AGBL4: variants seen among roughly 807,000 people sequenced by gnomAD.
AGBL4 encodes the protein AGBL carboxypeptidase 4, also known as cytosolic carboxypeptidase 6.
AGBL4 carries 58 observed loss-of-function variants against 66.4 expected under a neutral mutation model. The ratio of observed to expected loss-of-function variants is 0.87; its 90% CI spans 0.71 to 1.09. AGBL4 has a LOEUF of 1.09. Among genes scored for constraint, AGBL4 ranks in the 50% least tolerant of loss-of-function variants. The probability of loss-of-function intolerance (pLI) is 0.00; values close to 1 mark genes in which losing one functional copy is unlikely to be tolerated. For synonymous variants in AGBL4, 234 were observed against 222.9 expected (o/e 1.05, Z -0.44); for missense variants, 579 against 631.0 (o/e 0.92, Z 0.88).
At chr1:49,685,219 A>G (rs1646765391) in intron 3 of AGBL4, among the ~76,000 whole-genome samples, 1 of 152,190 alleles carries the variant, frequency 6.6e-6, no homozygotes, top group Non-Finnish European at 1.5e-5. Context: ...TGCAAAGGAC[A>G]TGCTTTCATT....
At chr1:49,791,156 A>C (rs1210561514) in intron 2 of AGBL4, among the ~76,000 whole-genome samples, 1 of 152,114 alleles carries the variant, frequency 6.6e-6, no homozygotes, top group Non-Finnish European at 1.5e-5. Context: ...TTGGCTCTAG[A>C]CTTTCATAAG....
intron 5 of AGBL4, among the ~76,000 whole-genome samples, chr1:48,875,391 T>C (rs1006546438): frequency 1.3e-5 from 2 of 152,122 alleles, no homozygotes; most frequent in Non-Finnish European, 2.9e-5. Flanking sequence ...TAAAAAATGC[T>C]TTAGCATGTT....
intron 3 of AGBL4, among the ~76,000 whole-genome samples, chr1:49,461,506 T>TA (rs1308236538): frequency 2.0e-5 from 3 of 151,160 alleles, no homozygotes; most frequent in African/African-American, 7.3e-5. Context: ...CTTTTTTTTT[T>TA]ATTATACTTT....
chr1:49,978,220 A>C (rs905495252), intron 1 of AGBL4, among the ~76,000 whole-genome samples: 2 of 152,200 alleles, frequency 1.3e-5, no homozygotes, highest in Admixed American at 1.3e-4. Flanking sequence ...AGGCCAAGGC[A>C]GGAGGATTGC....
At chr1:49,662,326 T>A (rs1646285958) in intron 3 of AGBL4, among the ~76,000 whole-genome samples, 2 of 151,880 alleles carry the variant, frequency 1.3e-5, no homozygotes, top group South Asian at 2.1e-4. Context: ...ATATTTGGAT[T>A]TAAAACATTA....
intron 8 of AGBL4, among the ~76,000 whole-genome samples, chr1:48,637,776 G>C (rs533420781): frequency 7.2e-5 from 11 of 152,298 alleles, no homozygotes; most frequent in Admixed American, 2.0e-4. Flanking sequence ...TAAGTGGCTA[G>C]AGTCAGTCCT....
chr1:49,648,297 T>C (rs1645931678), intron 3 of AGBL4, among the ~76,000 whole-genome samples: 1 of 147,632 alleles, frequency 6.8e-6, no homozygotes. Context: ...TCTCAATAGA[T>C]ACCTCAAAAA....
rs34356093 is a variant in AGBL4, at chr1:49,624,002, A to AGTGTGTGTGT, written c.282+73301_282+73310dup. On this transcript the variant is annotated intron_variant, in intron 3 of 13. Coordinates refer to ENST00000371839, the MANE Select transcript of AGBL4 (RefSeq NM_032785.4). Reference sequence around the variant, plus strand: ...ACTTCATATAGTTTTGATGAGAGAGAGTGTGTGTGTGTGTGTGTGTGTGTG... The same window carrying AGTGTGTGTGT: ...ACTTCATATAGTTTTGATGAGAGAGAGTGTGTGTGTGTGTGTGTGTGTGTGTGTGTGTGTG... Among the ~76,000 whole-genome samples the AGTGTGTGTGT allele has an allele frequency of 3.3e-3, 498 of 149,440 alleles. 2 individuals carry two copies. Among genetic ancestry groups the AGTGTGTGTGT allele is most frequent in the African/African-American group, 0.011 (450 of 40,364 alleles).
intron 3 of AGBL4, among the ~76,000 whole-genome samples, chr1:49,647,390 A>C (rs1202872149): frequency 6.6e-6 from 1 of 152,120 alleles, no homozygotes. Context: ...ACAACAGAGA[A>C]GCAGCCTACA....
At chr1:49,765,819 G>C (rs1264960603) in intron 2 of AGBL4, among the ~76,000 whole-genome samples, 1 of 152,062 alleles carries the variant, frequency 6.6e-6, no homozygotes, top group Non-Finnish European at 1.5e-5. Context: ...ATCAATAGAT[G>C]AGATCAAGCA....
chr1:48,867,793 T>G (rs1259798901), intron 5 of AGBL4, among the ~76,000 whole-genome samples: 2 of 152,210 alleles, frequency 1.3e-5, no homozygotes, highest in African/African-American at 2.4e-5. Flanking sequence ...CTTTTCTAAC[T>G]GAATCCTTAT....
intron 1 of AGBL4, among the ~76,000 whole-genome samples, chr1:50,011,275 T>C (rs1661510298): frequency 6.6e-6 from 1 of 152,140 alleles, no homozygotes; most frequent in Non-Finnish European, 1.5e-5. Flanking sequence ...CAAACAGGCA[T>C]ACGAAAAGGT....
At chr1:48,773,766 C>T (rs1644947099) in intron 6 of AGBL4, among the ~76,000 whole-genome samples, 2 of 152,168 alleles carry the variant, frequency 1.3e-5, no homozygotes, top group Admixed American at 1.3e-4. Flanking sequence ...AGCTGTGTGG[C>T]TGTAGGCAAG....
chr1:48,556,836 T>C (rs2148291713), intron 11 of AGBL4, among the ~76,000 whole-genome samples: 1 of 152,356 alleles, frequency 6.6e-6, no homozygotes, highest in East Asian at 1.9e-4. Context: ...TAGCCCAAGC[T>C]GGAGTGTAGT....
intron 3 of AGBL4, among the ~76,000 whole-genome samples, chr1:49,311,228 C>T (rs1391194439): frequency 6.6e-6 from 1 of 151,958 alleles, no homozygotes; most frequent in African/African-American, 2.4e-5. Context: ...TAAATTGAGT[C>T]TCAATGATCC....
rs111495003 is a variant in AGBL4, at chr1:49,990,615, T to C, written c.34+33148A>G. Among the ~76,000 whole-genome samples, 274 of 152,334 alleles carry C rather than the reference T, an allele frequency of 1.8e-3. 3 individuals are homozygous for C. The highest frequency in any genetic ancestry group is 6.2e-3 in the African/African-American group (256 of 41,578). ...ACTAATGCAACATTTTATTTTCTTT[T>C]AGCTACTGTATACAATCTTTATAAA... On this transcript the variant is annotated intron_variant, in intron 1 of 13. Coordinates refer to ENST00000371839, the MANE Select transcript of AGBL4 (RefSeq NM_032785.4).
chr1:48,778,908 A>G (rs1645213419), intron 6 of AGBL4, among the ~76,000 whole-genome samples: 1 of 152,196 alleles, frequency 6.6e-6, no homozygotes, highest in African/African-American at 2.4e-5. Flanking sequence ...GTTATGTGGT[A>G]CAGCCAAAAA....
intron 2 of AGBL4, among the ~76,000 whole-genome samples, chr1:49,745,040 C>T (rs751020680): frequency 1.3e-4 from 20 of 151,736 alleles, no homozygotes; most frequent in African/African-American, 2.2e-4. Flanking sequence ...AATAAAATGA[C>T]GAGATATAAA....
chr1:49,919,029 A>C (rs956571720), intron 1 of AGBL4, among the ~76,000 whole-genome samples: 1 of 152,238 alleles, frequency 6.6e-6, no homozygotes, highest in Non-Finnish European at 1.5e-5. Flanking sequence ...GACAAAATTC[A>C]ACATCCCTTC....
Sources: gnomAD v4.1 joint callset for allele counts (sites outside exome capture counted in the v4.1 genomes callset) on GRCh38, gnomAD v4.1.1 for gene constraint, MANE v1.5 for transcripts, NCBI Gene and HGNC (gene_info 2026-07-23, HGNC 2026-07-21) for gene names.